The following MAP2K4 variants were observed in gnomAD, a reference collection of about 807,000 sequenced individuals.
MAP2K4 encodes mitogen-activated protein kinase kinase 4, also known as dual specificity mitogen-activated protein kinase kinase 4.
MAP2K4 carries 4 observed loss-of-function variants against 48.5 expected under a neutral mutation model. The ratio of observed to expected loss-of-function variants is 0.08; its 90% confidence interval spans 0.04 to 0.19. The LOEUF (loss-of-function observed/expected upper bound fraction) is 0.19. MAP2K4 is among the 10% of genes least tolerant of loss of function. MAP2K4 has a pLI of 1.00. For synonymous variants in MAP2K4, 166 were observed against 173.1 expected (o/e 0.96, Z 0.32); for missense variants, 258 against 493.3 (o/e 0.52, Z 4.52).
chr17:12,079,319 GAC>G (rs1971115056), intron 2 of MAP2K4, among the ~76,000 whole-genome samples: 1 of 152,102 alleles, frequency 6.6e-6, no homozygotes, highest in African/African-American at 2.4e-5. Context: ...TTTAAAATAA[GAC>G]ATAATATTGT....
chr17:12,107,987 T>G, intron 5 of MAP2K4, 78 bp downstream of exon 5: 3 of 1,254,512 alleles, frequency 2.4e-6, no homozygotes, highest in Non-Finnish European at 3.2e-6. Context: ...ATGCACATAT[T>G]TGAGTGTCAC....
intron 1 of MAP2K4, among the ~76,000 whole-genome samples, chr17:12,033,055 C>G (rs926294997): frequency 2.0e-5 from 3 of 151,974 alleles, no homozygotes; most frequent in East Asian, 1.9e-4. Flanking sequence ...AGGCTAGTCT[C>G]AAACTCCTGG....
intron 3 of MAP2K4, among the ~76,000 whole-genome samples, chr17:12,086,912 TC>T (rs1971386218): frequency 6.6e-6 from 1 of 152,198 alleles, no homozygotes; most frequent in South Asian, 2.1e-4. Context: ...AGTGGCACAA[TC>T]TTGGCTCACT....
intron 1 of MAP2K4, among the ~76,000 whole-genome samples, chr17:12,032,856 T>C (rs921153948): frequency 6.6e-6 from 1 of 152,222 alleles, no homozygotes; most frequent in African/African-American, 2.4e-5. Flanking sequence ...ATTTTATTTA[T>C]TGAGACAGGG....
At chr17:12,075,454 A>G (rs1044334354) in intron 2 of MAP2K4, among the ~76,000 whole-genome samples, 1 of 152,262 alleles carries the variant, frequency 6.6e-6, no homozygotes, top group Non-Finnish European at 1.5e-5. Context: ...AAGGTAAACA[A>G]CAAACTGGGA....
intron 4 of MAP2K4, 23 bp from the exon 5 acceptor site, chr17:12,107,767 A>T: frequency 6.4e-7 from 1 of 1,560,024 alleles, no homozygotes; most frequent in Non-Finnish European, 8.6e-7. Context: ...GTATAAGAAT[A>T]ACAGATATTT....
At chr17:12,058,227 C>CTTTTTT (rs144800120) in intron 2 of MAP2K4, among the ~76,000 whole-genome samples, 2 of 130,080 alleles carry the variant, frequency 1.5e-5, no homozygotes. Context: ...CTAGACCTTT[C>CTTTTTT]TTTTTTTTTT....
At chr17:12,068,929 A>T (rs910999394) in intron 2 of MAP2K4, among the ~76,000 whole-genome samples, 1 of 152,118 alleles carries the variant, frequency 6.6e-6, no homozygotes, top group Non-Finnish European at 1.5e-5. Flanking sequence ...GTTGCCTAGG[A>T]AGAGAGTGAG....
At chr17:12,050,831 A>G (rs1199061326) in intron 1 of MAP2K4, among the ~76,000 whole-genome samples, 13 of 152,212 alleles carry the variant, frequency 8.5e-5, no homozygotes, top group Admixed American at 8.5e-4. Context: ...ACAACTAGAC[A>G]AAGGGTATTC....
chr17:12,120,065 C>G (rs1378359808), intron 7 of MAP2K4, among the ~76,000 whole-genome samples: 1 of 152,146 alleles, frequency 6.6e-6, no homozygotes, highest in African/African-American at 2.4e-5. Flanking sequence ...GGCTTAGTAA[C>G]TGGGTGACCA....
intron 2 of MAP2K4, among the ~76,000 whole-genome samples, chr17:12,071,293 G>T (rs2151539907): frequency 6.6e-6 from 1 of 152,234 alleles, no homozygotes; most frequent in East Asian, 1.9e-4. Context: ...TGAAGAACTG[G>T]GTTTTGGCTT....
intron 2 of MAP2K4, among the ~76,000 whole-genome samples, chr17:12,056,671 T>C (rs1322912114): frequency 6.6e-6 from 1 of 152,070 alleles, no homozygotes; most frequent in Admixed American, 6.5e-5. Context: ...TAGGAATAGG[T>C]AACTACTAGC....
chr17:12,134,045 G>T (rs1973126133), intron 9 of MAP2K4, among the ~76,000 whole-genome samples: 1 of 152,242 alleles, frequency 6.6e-6, no homozygotes. Context: ...GTTGGTTAGA[G>T]GGCGGGAGCA....
At chr17:12,125,652 A>G (rs1226228169) in intron 8 of MAP2K4, among the ~76,000 whole-genome samples, 2 of 152,188 alleles carry the variant, frequency 1.3e-5, no homozygotes, top group Non-Finnish European at 2.9e-5. Flanking sequence ...CTGCAACTGC[A>G]CTAAGAATGG....
chr17:12,129,325 C>T lies in MAP2K4; in HGVS notation c.1040+38C>T, dbSNP rs539420411. On this transcript the variant is annotated intron_variant, in intron 9 of 10. Coordinates refer to ENST00000353533, the MANE Select transcript of MAP2K4 (RefSeq NM_003010.4). ...TTTATGAATGGTCGAACACGCATGG[C>T]GAGAATAGTGAGATTTACTTGGTCT... The T allele has an allele frequency of 2.7e-4, 434 of 1,613,084 alleles. 2 individuals are homozygous for T. The South Asian group carries it at 4.4e-3, about 16-fold the overall frequency.
intron 1 of MAP2K4, among the ~76,000 whole-genome samples, chr17:12,044,355 C>G (rs749097059): frequency 3.3e-5 from 5 of 152,194 alleles, no homozygotes; most frequent in Non-Finnish European, 7.3e-5. Flanking sequence ...AGGAAGTTCT[C>G]TGCATCTTAT....
chr17:12,136,743 T>C (rs1218568399), intron 9 of MAP2K4, among the ~76,000 whole-genome samples: 1 of 152,192 alleles, frequency 6.6e-6, no homozygotes, highest in Admixed American at 6.5e-5. Context: ...CTGACATAAT[T>C]TTCTGCTCCA....
intron 3 of MAP2K4, among the ~76,000 whole-genome samples, chr17:12,092,715 C>T (rs1230601413): frequency 6.6e-6 from 1 of 152,140 alleles, no homozygotes; most frequent in East Asian, 1.9e-4. Flanking sequence ...CAGTTCAACC[C>T]TAAAACATTA....
intron 4 of MAP2K4, among the ~76,000 whole-genome samples, chr17:12,105,621 A>G (rs1423604549): frequency 6.6e-6 from 1 of 151,952 alleles, no homozygotes; most frequent in Non-Finnish European, 1.5e-5. Context: ...CTGCTTGAGC[A>G]TGACAGTCAT....
Sources: allele counts gnomAD v4.1 joint callset (sites outside exome capture counted in the v4.1 genomes callset), GRCh38; gene constraint gnomAD v4.1.1; transcripts MANE v1.5; gene names NCBI Gene and HGNC (gene_info 2026-07-23, HGNC 2026-07-21).